The following CHST11 variants were observed in gnomAD, a reference collection of about 807,000 sequenced individuals.
CHST11 encodes carbohydrate sulfotransferase 11, also known as C4S-1.
A neutral mutation model predicts 30.4 loss-of-function variants in CHST11; 9 were observed. That is an observed-to-expected ratio of 0.30 (90% CI 0.18 to 0.52). The LOEUF (loss-of-function observed/expected upper bound fraction) is 0.52, where lower values mean the gene tolerates loss of function less well. Ranked by LOEUF, CHST11 falls within the 20% of genes least tolerant of loss-of-function variation. The pLI, the probability that CHST11 is intolerant of heterozygous loss-of-function variation, is 0.97. For missense variants in CHST11, 348 were observed against 460.6 expected, an observed-to-expected ratio of 0.76 and a Z score of 2.24; for synonymous variants, 152 against 187.8, an observed-to-expected ratio of 0.81 and a Z score of 1.56.
chr12:104,626,846 C>G (rs1456452641), intron 2 of CHST11, among the ~76,000 whole-genome samples: 2 of 152,060 alleles, frequency 1.3e-5, no homozygotes, highest in African/African-American at 4.8e-5. Context: ...ACTGATGAAC[C>G]TGTATTGACA....
chr12:104,556,209 GGGCCCTGT>G (rs143724622), intron 1 of CHST11, among the ~76,000 whole-genome samples: 2,460 of 152,166 alleles, frequency 0.016, 117 homozygotes, highest in East Asian at 0.15. Flanking sequence ...AGATGGTGTG[GGGCCCTGT>G]GGGACCCCAT....
intron 1 of CHST11, among the ~76,000 whole-genome samples, chr12:104,595,197 C>A (rs141593718): frequency 6.6e-6 from 1 of 152,050 alleles, no homozygotes; most frequent in Non-Finnish European, 1.5e-5. Context: ...TACAGACTAC[C>A]AGCTCTGCTT....
At chr12:104,667,520 C>A (rs568231410) in intron 2 of CHST11, among the ~76,000 whole-genome samples, 1 of 152,276 alleles carries the variant, frequency 6.6e-6, no homozygotes, top group East Asian at 1.9e-4. Context: ...GAATTTTGGC[C>A]GTCATTTGGG....
At chr12:104,680,431 G>A (rs1394508938) in intron 2 of CHST11, among the ~76,000 whole-genome samples, 1 of 152,214 alleles carries the variant, frequency 6.6e-6, no homozygotes, top group Non-Finnish European at 1.5e-5. Context: ...TGTGGGGATG[G>A]GGACGGACAT....
chr12:104,642,037 A>G (rs184807946), intron 2 of CHST11, among the ~76,000 whole-genome samples: 4 of 152,272 alleles, frequency 2.6e-5, no homozygotes, highest in Non-Finnish European at 2.9e-5. Context: ...TGAACGTCCT[A>G]TGGTGCACAG....
At chr12:104,480,577 CAAAA>C (rs58063092) in intron 1 of CHST11, among the ~76,000 whole-genome samples, 40 of 112,638 alleles carry the variant, frequency 3.6e-4, no homozygotes, top group Middle Eastern at 5.0e-3. Flanking sequence ...GATTCCATCT[CAAAA>C]AAAAAAAAAA....
chr12:104,661,163 T>C (rs1414363591), intron 2 of CHST11, among the ~76,000 whole-genome samples: 1 of 152,184 alleles, frequency 6.6e-6, no homozygotes, highest in Non-Finnish European at 1.5e-5. Context: ...CTCAGTTTCC[T>C]CATCCATAAA....
chr12:104,474,366 C>T (rs1033930774), intron 1 of CHST11, among the ~76,000 whole-genome samples: 7 of 152,100 alleles, frequency 4.6e-5, no homozygotes, highest in Non-Finnish European at 7.4e-5. Flanking sequence ...ATCATCCGAA[C>T]GACAATTATG....
intron 1 of CHST11, among the ~76,000 whole-genome samples, chr12:104,582,085 A>G (rs1010588435): frequency 6.6e-6 from 1 of 152,214 alleles, no homozygotes; most frequent in African/African-American, 2.4e-5. Flanking sequence ...TGTAGGATGC[A>G]TCCTTATTTG....
chr12:104,649,991 C>G (rs556107404), intron 2 of CHST11, among the ~76,000 whole-genome samples: 1 of 152,290 alleles, frequency 6.6e-6, no homozygotes, highest in South Asian at 2.1e-4. Context: ...CCATCAATTA[C>G]TTGGTTTTAG....
In CHST11 at chr12:104,614,969, G is replaced by C. The variant is rs140931499; in HGVS notation, c.204+12978G>C. The stretch of plus-strand genomic sequence containing the variant: ...CAGGCCAAAGATGCACGAAACCTGA[G>C]TTCCACTGTAGCTCCAGACTTCTAG... On this transcript the variant is annotated intron_variant, in intron 2 of 2. Coordinates refer to ENST00000303694, the MANE Select transcript of CHST11 (RefSeq NM_018413.6). Among the ~76,000 whole-genome samples the C allele has an allele frequency of 5.3e-5, 8 of 152,304 alleles. No individual in the cohort carries two copies. The East Asian group carries it at 1.5e-3, about 29-fold the overall frequency.
intron 1 of CHST11, among the ~76,000 whole-genome samples, chr12:104,569,398 A>G (rs2038601209): frequency 6.6e-6 from 1 of 152,224 alleles, no homozygotes. Context: ...AACGATCCTC[A>G]GGATTTGTGG....
intron 2 of CHST11, among the ~76,000 whole-genome samples, chr12:104,710,157 G>A (rs982487322): frequency 1.3e-5 from 2 of 152,130 alleles, no homozygotes; most frequent in African/African-American, 2.4e-5. Context: ...CCATGATTGC[G>A]CCACTGCACT....
At position 104,761,719 on chromosome 12, in the gene CHST11, C is replaced by T. The variant is rs2040528197; in HGVS notation, c.*3916C>T. On this transcript the variant is annotated 3_prime_UTR_variant, in exon 3 of 3. Transcript: ENST00000303694. ...AACAGGCAAATTTCAGTCTGCTACA[C>T]TTTGTTAGGTCCAGAAGGAGCTGCC... 6.6e-6 allele frequency: 1 copy of T among 152,258 alleles called. No individual in the cohort carries two copies. The highest frequency in any genetic ancestry group is 2.4e-5 in the African/African-American group (1 of 41,450). The allele number at this position is 152,258 out of a possible 1,614,324, so 9.4% of individuals were successfully genotyped here.
At chr12:104,507,557 A>G (rs912426758) in intron 1 of CHST11, among the ~76,000 whole-genome samples, 30 of 152,102 alleles carry the variant, frequency 2.0e-4, no homozygotes, top group African/African-American at 7.0e-4. Context: ...AGTTATTGCC[A>G]CCACAATGCT....
At chr12:104,561,781 A>G (rs1303522535) in intron 1 of CHST11, among the ~76,000 whole-genome samples, 1 of 145,964 alleles carries the variant, frequency 6.9e-6, no homozygotes, top group African/African-American at 2.6e-5. Context: ...CGTAGGTCCC[A>G]TTATTAGGTC....
At chr12:104,711,262 A>G (rs939197379) in intron 2 of CHST11, among the ~76,000 whole-genome samples, 1 of 151,980 alleles carries the variant, frequency 6.6e-6, no homozygotes, top group South Asian at 2.1e-4. Context: ...AATTTTTTTC[A>G]CTGGTTTATA....
intron 2 of CHST11, among the ~76,000 whole-genome samples, chr12:104,670,901 T>G (rs1566031668): frequency 6.6e-6 from 1 of 151,814 alleles, no homozygotes; most frequent in East Asian, 1.9e-4. Flanking sequence ...CATACATACA[T>G]GCACATACAT....
At chr12:104,515,840 C>T (rs1345577251) in intron 1 of CHST11, among the ~76,000 whole-genome samples, 3 of 152,118 alleles carry the variant, frequency 2.0e-5, no homozygotes, top group African/African-American at 7.2e-5. Context: ...TCTGCTTAGG[C>T]AGAGGGCGAA....
Sources: allele counts gnomAD v4.1 joint callset (sites outside exome capture counted in the v4.1 genomes callset), GRCh38; gene constraint gnomAD v4.1.1; transcripts MANE v1.5; gene names NCBI Gene and HGNC (gene_info 2026-07-23, HGNC 2026-07-21).